The following VPS13C variants were observed in gnomAD, a reference collection of about 807,000 sequenced individuals.
The protein encoded by VPS13C is vacuolar protein sorting 13 homolog C, also known as intermembrane lipid transfer protein VPS13C.
Under a neutral mutation model 456.8 loss-of-function variants are expected in VPS13C, and 358 were observed. The observed-to-expected ratio is 0.78, with a 90% CI of 0.72 to 0.86. VPS13C has a LOEUF of 0.86. VPS13C is among the 40% of genes least tolerant of loss of function. The pLI, the probability that VPS13C is intolerant of heterozygous loss-of-function variation, is 0.00. For synonymous variants in VPS13C, 1,578 were observed against 1,486.7 expected, an observed-to-expected ratio of 1.06 and a Z score of -1.41; for missense variants, 4,818 against 4,385.4, an observed-to-expected ratio of 1.10 and a Z score of -2.79.
intron 9 of VPS13C, among the ~76,000 whole-genome samples, chr15:62,019,366 T>TAA (rs2047374425): frequency 6.6e-6 from 1 of 152,168 alleles, no homozygotes; most frequent in East Asian, 1.9e-4. Context: ...CTCTAGTTCT[T>TAA]TTAATTGTGA....
intron 69 of VPS13C, 63 bp from the exon 70 acceptor site, chr15:61,881,891 T>A: frequency 7.0e-7 from 1 of 1,437,162 alleles, no homozygotes; most frequent in South Asian, 1.4e-5. Context: ...GTTTCAAAGA[T>A]AATGTTATAG....
Position 61,922,550 on chromosome 15 carries a change from T to A in VPS13C, c.6822A>T (p.Glu2274Asp). The change falls in exon 54 of 85, where the codon GAA becomes GAT. Residue 2274 changes from glutamate to aspartate, a missense_variant. Glu to Asp is a conservative substitution (Grantham distance 45). Around this residue, in one of 3 missense-constraint regions of VPS13C, gnomAD observed 4,552 missense variants for 4,130.6 expected, o/e 1.10. Coordinates refer to ENST00000644861, the MANE Select transcript of VPS13C (RefSeq NM_020821.3). ...TGGATTCTACAACAACACCACAATTTTCCTCTATCAGTGAATGTTCAATGC... is the reference window on the plus strand; with the variant it reads ...TGGATTCTACAACAACACCACAATTATCCTCTATCAGTGAATGTTCAATGC... ...FKGIEHSLIEENCGVVVESIQ... is the reference protein window; with the variant it reads ...FKGIEHSLIEDNCGVVVESIQ... 6.2e-7 allele frequency: 1 copy of A among 1,614,100 alleles called. No homozygotes were observed. Among genetic ancestry groups the A allele is most frequent in the South Asian group, 1.1e-5 (1 of 91,074 alleles).
intron 48 of VPS13C, among the ~76,000 whole-genome samples, chr15:61,935,093 A>G (rs913052583): frequency 6.6e-6 from 1 of 152,118 alleles, no homozygotes; most frequent in Non-Finnish European, 1.5e-5. Flanking sequence ...CATTTTCTTT[A>G]TCAGAAGAAC....
chr15:61,937,567 C>A (rs553359623), intron 47 of VPS13C, among the ~76,000 whole-genome samples: 62 of 152,262 alleles, frequency 4.1e-4, no homozygotes, highest in African/African-American at 1.0e-3. Context: ...CTCCGCCTCC[C>A]AGGTTCACGC....
chr15:62,055,408 T>A (rs1291101389), intron 1 of VPS13C, among the ~76,000 whole-genome samples: 1 of 150,532 alleles, frequency 6.6e-6, no homozygotes, highest in Non-Finnish European at 1.5e-5. Context: ...TTTGTATTTT[T>A]TTTTTTTTTT....
At chr15:62,023,564 C>T (rs902928431) in intron 7 of VPS13C, 44 bp from the exon 8 acceptor site, 3 of 1,401,812 alleles carry the variant, frequency 2.1e-6, no homozygotes, top group Non-Finnish European at 2.9e-6. Flanking sequence ...TTGAAATTCT[C>T]ATATACCTCA....
Position 61,867,873 on chromosome 15 carries a change from C to T in VPS13C, c.10863+786G>A. ...ATTCACACACAGTCAATTAACACCA[C>T]AGTTTGTTTTGATTTTTAAGGATGA... On this transcript the variant is annotated intron_variant, in intron 81 of 84. Coordinates refer to ENST00000644861, the MANE Select transcript of VPS13C (RefSeq NM_020821.3). The surrounding 1 kb of genome is among the most constrained non-coding windows in gnomAD (Gnocchi z 5.0). 2 of 1,596,096 alleles carry T rather than the reference C, an allele frequency of 1.3e-6. No homozygotes were observed. Among genetic ancestry groups the T allele is most frequent in the East Asian group, 2.3e-5 (1 of 44,382 alleles).
Position 61,856,330 on chromosome 15 carries a change from A to G in VPS13C, c.11032T>C (p.Phe3678Leu), listed in dbSNP as rs1434025527. Residue 3678 changes from phenylalanine (F) to leucine (L), a missense_variant, in exon 83 of 85, where the codon TTT becomes CTT. Phe to Leu is a conservative substitution (Grantham distance 22, BLOSUM62 0). This residue lies in a region of VPS13C where 261 missense variants were observed against 234.1 expected (regional missense o/e 1.11). Coordinates refer to ENST00000644861, the MANE Select transcript of VPS13C (RefSeq NM_020821.3). The part of the protein sequence containing the change: ...DWQCPFEDFV[F>L]PPSVSENVLK... ...ACATTTTCACTGACACTAGGAGGAA[A>G]TACAAAATCTTCAAATGGACATTGC... The G allele has an allele frequency of 4.3e-6, 7 of 1,613,466 alleles. No individual in the cohort carries two copies. The highest frequency in any genetic ancestry group is 5.9e-6 in the Non-Finnish European group (7 of 1,179,622).
chr15:61,927,232 A>G lies in VPS13C; in HGVS notation c.6375T>C (p.Ala2125=), dbSNP rs756399619. The change falls in exon 52 of 85, where the codon GCT becomes GCC. Residue 2125 remains alanine, a synonymous_variant. Transcript: ENST00000644861. ...VFVASLTKAD[A]PALTASFQCN... ...ACTGAAACGAGGCTGTCAGAGCAGG[A>G]GCATCAGCCTTTGTCAGGCTGGCAA... 5 of 1,614,222 alleles carry G rather than the reference A, an allele frequency of 3.1e-6. No homozygotes were observed. In the South Asian group the frequency reaches 5.5e-5, roughly 18 times the overall value.
At chr15:61,860,738 T>C (rs1894175884) in intron 82 of VPS13C, among the ~76,000 whole-genome samples, 1 of 152,084 alleles carries the variant, frequency 6.6e-6, no homozygotes, top group Non-Finnish European at 1.5e-5. Flanking sequence ...GTACATAGTT[T>C]TCGTAAAATG....
intron 9 of VPS13C, among the ~76,000 whole-genome samples, chr15:62,015,545 G>C (rs531212310): frequency 0.01 from 1,555 of 148,166 alleles, 18 homozygotes; most frequent in Non-Finnish European, 0.017. Flanking sequence ...AACAATGATA[G>C]ACTGGATTAA....
chr15:61,968,397 T>C (rs1488258925), intron 28 of VPS13C, among the ~76,000 whole-genome samples: 5 of 152,072 alleles, frequency 3.3e-5, no homozygotes, highest in Admixed American at 6.6e-5. Flanking sequence ...TTAAAGTATA[T>C]GGAAGGCTAT....
intron 67 of VPS13C, among the ~76,000 whole-genome samples, 167 bp from the exon 68 acceptor site, chr15:61,884,436 A>G (rs1896116093): frequency 6.6e-6 from 1 of 152,154 alleles, no homozygotes; most frequent in Non-Finnish European, 1.5e-5. Flanking sequence ...TACAAAAAGA[A>G]AAGAGGCAGG....
chr15:61,923,331 A>G (rs2043724782), intron 53 of VPS13C, among the ~76,000 whole-genome samples: 1 of 152,112 alleles, frequency 6.6e-6, no homozygotes, highest in South Asian at 2.1e-4. Context: ...ATCTTTGGAC[A>G]GTGCCTTTCT....
In VPS13C at chr15:61,915,826, AC is replaced by A; in HGVS notation, c.8251del (p.Val2751SerfsTer24). The A allele has an allele frequency of 6.2e-7, 1 of 1,614,090 alleles. No homozygotes were observed. The highest frequency in any genetic ancestry group is 8.5e-7 in the Non-Finnish European group (1 of 1,180,014). ...FSSDSTEVTT[V>X]DLSVHVRRIG... The stretch of plus-strand genomic sequence containing the variant: ...TCTCCTGACGTGGACTGACAGGTCG[AC>A]TGTCGTCACTTCTGTGGAGTCAGAA... On this transcript the variant is annotated frameshift_variant, in exon 61 of 85. Transcript: ENST00000644861. LOFTEE classifies it high-confidence loss of function.
chr15:62,010,831 T>C (rs1024062393), intron 12 of VPS13C, among the ~76,000 whole-genome samples: 1 of 152,162 alleles, frequency 6.6e-6, no homozygotes, highest in African/African-American at 2.4e-5. Flanking sequence ...ATCCCATGCT[T>C]CTAGGTAAGA....
At chr15:62,031,258 T>C (rs1296438375) in intron 5 of VPS13C, among the ~76,000 whole-genome samples, 1 of 152,098 alleles carries the variant, frequency 6.6e-6, no homozygotes, top group African/African-American at 2.4e-5. Flanking sequence ...TTCATTTTTA[T>C]CATCTGCTAC....
chr15:61,910,796 T>C (rs1439742761), intron 63 of VPS13C, among the ~76,000 whole-genome samples: 1 of 152,128 alleles, frequency 6.6e-6, no homozygotes, highest in East Asian at 1.9e-4. Flanking sequence ...TCAGACCATA[T>C]ACTTACTTCT....
chr15:61,908,775 T>C lies in VPS13C; in HGVS notation c.8978+217A>G, dbSNP rs2414753. 0.32 allele frequency among the ~76,000 whole-genome samples: 48,616 copies of C among 152,090 alleles called. 9,200 individuals are homozygous for C. The highest frequency in any genetic ancestry group is 0.4 in the Non-Finnish European group (27,515 of 67,952). On this transcript the variant is annotated intron_variant, in intron 65 of 84. Transcript: ENST00000644861. ...CGAAACTATTAATAATTTCTATTTATCCCATTTGATGTGAATATTCATCAG... is the reference window on the plus strand; with the variant it reads ...CGAAACTATTAATAATTTCTATTTACCCCATTTGATGTGAATATTCATCAG...
Sources: allele counts gnomAD v4.1 joint callset (sites outside exome capture counted in the v4.1 genomes callset), GRCh38; gene constraint gnomAD v4.1.1; regional missense constraint gnomAD v4.1.1; non-coding constraint Gnocchi (gnomAD v3.1); transcripts MANE v1.5; gene names NCBI Gene and HGNC (gene_info 2026-07-23, HGNC 2026-07-21).